STXBP5: variants seen among roughly 807,000 people sequenced by gnomAD.
STXBP5 encodes syntaxin binding protein 5.
A neutral mutation model predicts 152.4 loss-of-function variants in STXBP5; 50 were observed. The observed-to-expected ratio is 0.33, with a 90% confidence interval of 0.26 to 0.42. The LOEUF is 0.42. Among genes scored for constraint, STXBP5 ranks in the 10% least tolerant of loss-of-function variants. The pLI, the probability that STXBP5 is intolerant of heterozygous loss-of-function variation, is 1.00. For synonymous variants in STXBP5, 492 were observed against 494.7 expected, an observed-to-expected ratio of 0.99 and a Z score of 0.07; for missense variants, 1,167 against 1,388.6, an observed-to-expected ratio of 0.84 and a Z score of 2.54.
At chr6:147,217,739 G>C (rs1361551199) in intron 2 of STXBP5, among the ~76,000 whole-genome samples, 1 of 152,110 alleles carries the variant, frequency 6.6e-6, no homozygotes, top group Non-Finnish European at 1.5e-5. Context: ...TTACTTTTCT[G>C]TTTTGGTGCT....
At chr6:147,277,798 A>G (rs1436296947) in intron 7 of STXBP5, among the ~76,000 whole-genome samples, 1 of 152,118 alleles carries the variant, frequency 6.6e-6, no homozygotes, top group Non-Finnish European at 1.5e-5. Context: ...AATGTAAGAA[A>G]ACATTTTGTT....
At chr6:147,346,705 A>G (rs2128402319) in intron 21 of STXBP5, among the ~76,000 whole-genome samples, 1 of 151,606 alleles carries the variant, frequency 6.6e-6, no homozygotes, top group African/African-American at 2.4e-5. Flanking sequence ...GCACCACTTC[A>G]CTCCAGTGTG....
At chr6:147,343,944 G>A (rs917273485) in intron 21 of STXBP5, among the ~76,000 whole-genome samples, 3 of 152,086 alleles carry the variant, frequency 2.0e-5, no homozygotes, top group African/African-American at 7.2e-5. Flanking sequence ...GATTAGTAGT[G>A]TACAGTGATA....
rs1355129482 is a variant in STXBP5, at chr6:147,260,685, A to G, written c.502A>G (p.Ile168Val). Residue 168 changes from isoleucine to valine, a missense_variant, in exon 5 of 28, where the codon ATT becomes GTT. Around this residue, in one of 3 missense-constraint regions of STXBP5, gnomAD observed 310 missense variants for 346.1 expected, o/e 0.90. Coordinates refer to ENST00000321680, the MANE Select transcript of STXBP5 (RefSeq NM_001127715.4). ...GGGCACTGAACGAGGTAATATACAT[A>G]TTGTCAATGTGGAGTCCTTCACACT... ...YVGTERGNIH[I>V]VNVESFTLSG... 4 of 1,613,730 alleles carry G rather than the reference A, an allele frequency of 2.5e-6. No homozygotes were observed. The highest frequency in any genetic ancestry group is 1.1e-5 in the South Asian group (1 of 91,070).
intron 8 of STXBP5, among the ~76,000 whole-genome samples, chr6:147,284,961 G>T (rs542116258): frequency 6.6e-6 from 1 of 152,238 alleles, no homozygotes; most frequent in South Asian, 2.1e-4. Flanking sequence ...TGGCTAATTA[G>T]GAAGCTTTGC....
intron 9 of STXBP5, among the ~76,000 whole-genome samples, chr6:147,304,569 G>T (rs1781994991): frequency 6.6e-6 from 1 of 152,050 alleles, no homozygotes; most frequent in Non-Finnish European, 1.5e-5. Flanking sequence ...TGTGAGAAGA[G>T]GGCCACCATC....
chr6:147,227,451 T>C (rs1168793818), intron 2 of STXBP5, among the ~76,000 whole-genome samples: 4 of 152,164 alleles, frequency 2.6e-5, no homozygotes, highest in Non-Finnish European at 5.9e-5. Context: ...TGCCAATGTT[T>C]TTTGATTCCT....
intron 4 of STXBP5, among the ~76,000 whole-genome samples, chr6:147,255,568 C>T (rs951298137): frequency 2.6e-5 from 4 of 152,080 alleles, no homozygotes; most frequent in South Asian, 2.1e-4. Context: ...AGTCATGGCT[C>T]ACTGCTCAAG....
intron 9 of STXBP5, among the ~76,000 whole-genome samples, chr6:147,307,546 C>T (rs540596592): frequency 6.6e-6 from 1 of 151,978 alleles, no homozygotes; most frequent in South Asian, 2.1e-4. Flanking sequence ...GTATTTATGA[C>T]TAATTTCTTT....
At chr6:147,213,477 T>TGTGTGTGTGTGTGTGTGC in intron 2 of STXBP5, among the ~76,000 whole-genome samples, 61 of 131,312 alleles carry the variant, frequency 4.6e-4, no homozygotes, top group African/African-American at 1.7e-3. Context: ...TGTGTGTGTG[T>TGTGTGTGTGTGTGTGTGC]GCGCGCGCAT....
intron 4 of STXBP5, among the ~76,000 whole-genome samples, chr6:147,247,621 A>T (rs1167368322): frequency 1.3e-5 from 2 of 152,186 alleles, no homozygotes; most frequent in Non-Finnish European, 2.9e-5. Flanking sequence ...AATTATCCAT[A>T]GTAAGGAGTC....
chr6:147,380,453 C>CAAA (rs1405289668), intron 26 of STXBP5, among the ~76,000 whole-genome samples: 2 of 63,658 alleles, frequency 3.1e-5, no homozygotes, highest in African/African-American at 5.8e-5. Context: ...TATTCATCTG[C>CAAA]AAAAAAAAAA....
intron 21 of STXBP5, among the ~76,000 whole-genome samples, chr6:147,342,662 AT>A (rs1416956273): frequency 1.3e-5 from 2 of 152,102 alleles, no homozygotes; most frequent in Non-Finnish European, 2.9e-5. Flanking sequence ...TAGGTTATCA[AT>A]TTTTTATTTA....
In STXBP5 at chr6:147,388,917, G is replaced by A. The variant is rs141627168; in HGVS notation, c.*4162G>A. 343 of 151,342 alleles carry A rather than the reference G, an allele frequency of 2.3e-3. 1 individual carries two copies. The highest frequency in any genetic ancestry group is 7.9e-3 in the African/African-American group (328 of 41,434). The allele number at this position is 151,342 out of a possible 1,614,324, so 9.4% of individuals were successfully genotyped here. On this transcript the variant is annotated 3_prime_UTR_variant, in exon 28 of 28. Transcript: ENST00000321680. ...AGTTTATGTATTTTTGTCAATGAAG[G>A]TTTTTATTTTGTAGTTTATAGAATT... is the stretch of plus-strand genomic sequence containing the variant.
intron 21 of STXBP5, among the ~76,000 whole-genome samples, chr6:147,345,728 A>T (rs927838578): frequency 6.6e-6 from 1 of 152,182 alleles, no homozygotes; most frequent in African/African-American, 2.4e-5. Context: ...ATGCTTGTTT[A>T]GAAAAAAGAT....
Position 147,242,175 on chromosome 6 carries a change from A to G in STXBP5, c.431+2905A>G, listed in dbSNP as rs1778579845. ...TGTGTGACTGTGTCTTAGTTTTAAA[A>G]AAAAAAAAAAAGTTTAAAAAGTAAA... is the stretch of plus-strand genomic sequence containing the variant. On this transcript the variant is annotated intron_variant, in intron 4 of 27. Transcript: ENST00000321680. Among the ~76,000 whole-genome samples the G allele has an allele frequency of 2.6e-5, 4 of 151,930 alleles. No homozygotes were observed. The South Asian group carries it at 8.3e-4, about 31-fold the overall frequency.
At position 147,360,361 on chromosome 6, in the gene STXBP5, G is replaced by A. The variant is rs577156225; in HGVS notation, c.2545+1038G>A. ...ACACATGCACATGTATGTTTATAGCGGCACTATTCACAATAGCAAAGACTT... is the reference window on the plus strand; with the variant it reads ...ACACATGCACATGTATGTTTATAGCAGCACTATTCACAATAGCAAAGACTT... On this transcript the variant is annotated intron_variant, in intron 23 of 27. Coordinates refer to ENST00000321680, the MANE Select transcript of STXBP5 (RefSeq NM_001127715.4). Among the ~76,000 whole-genome samples, 75 of 152,198 alleles carry A rather than the reference G, an allele frequency of 4.9e-4. 2 individuals are homozygous for A. The South Asian group carries it at 0.015, about 29-fold the overall frequency.
intron 26 of STXBP5, among the ~76,000 whole-genome samples, chr6:147,382,055 GGAAA>G (rs946481068): frequency 4.6e-5 from 7 of 152,136 alleles, no homozygotes; most frequent in African/African-American, 1.2e-4. Flanking sequence ...TAAAGAAAAA[GGAAA>G]GAAAGAAATG....
intron 21 of STXBP5, among the ~76,000 whole-genome samples, chr6:147,340,591 A>G (rs1173618868): frequency 6.6e-6 from 1 of 152,098 alleles, no homozygotes; most frequent in East Asian, 1.9e-4. Flanking sequence ...ATGCAAAAAG[A>G]AAAGATTTTC....
Sources: allele counts gnomAD v4.1 joint callset (sites outside exome capture counted in the v4.1 genomes callset), GRCh38; gene constraint gnomAD v4.1.1; regional missense constraint gnomAD v4.1.1; transcripts MANE v1.5; gene names NCBI Gene and HGNC (gene_info 2026-07-23, HGNC 2026-07-21).